Variants in IPO8 observed in about 807,000 individuals in gnomAD.
IPO8 encodes importin-8.
A neutral mutation model predicts 141.2 loss-of-function variants in IPO8; 65 were observed. The ratio of observed to expected loss-of-function variants is 0.46; its 90% CI spans 0.38 to 0.57. The LOEUF is 0.57. Among genes scored for constraint, IPO8 ranks in the 20% least tolerant of loss-of-function variants. The pLI, the probability that IPO8 is intolerant of heterozygous loss-of-function variation, is 0.00. For synonymous variants in IPO8, 411 were observed against 420.3 expected, an observed-to-expected ratio of 0.98 and a Z score of 0.27; for missense variants, 980 against 1,246.8, an observed-to-expected ratio of 0.79 and a Z score of 3.22.
At chr12:30,636,830 A>T in intron 22 of IPO8, 152 bp downstream of exon 22, 1 of 657,366 alleles carries the variant, frequency 1.5e-6, no homozygotes, top group Non-Finnish European at 2.6e-6. Flanking sequence ...TACAATTAAT[A>T]GCAAGTCAAC....
chr12:30,695,692 C>G lies in IPO8; in HGVS notation c.-45G>C. 1 of 1,560,826 alleles carries G rather than the reference C, an allele frequency of 6.4e-7. No homozygotes were observed. The highest frequency in any genetic ancestry group is 8.8e-7 in the Non-Finnish European group (1 of 1,135,062). On this transcript the variant is annotated 5_prime_UTR_variant, in exon 1 of 25. Transcript: ENST00000256079. This position sits in a 1 kb window ranked among gnomAD's most constrained non-coding sequence, Gnocchi z 4.2. ...GCGGCCCCCGGAACAGTAGGCCGGA[C>G]TGCAGCTTTAGTTTTCTTTTGACCC... is the stretch of plus-strand genomic sequence containing the variant.
chr12:30,669,766 C>CAAA (rs11405735), intron 9 of IPO8, among the ~76,000 whole-genome samples: 120 of 147,402 alleles, frequency 8.1e-4, no homozygotes, highest in Middle Eastern at 6.9e-3. Flanking sequence ...ACTCCAGCTC[C>CAAA]AAAAAAAAAA....
At chr12:30,693,278 T>G (rs752077401) in intron 1 of IPO8, among the ~76,000 whole-genome samples, 59 of 152,140 alleles carry the variant, frequency 3.9e-4, no homozygotes, top group Non-Finnish European at 7.9e-4. Context: ...TATCCTGAGA[T>G]AAAACTACAA....
At chr12:30,634,761 A>G (rs2052478367) in intron 22 of IPO8, among the ~76,000 whole-genome samples, 1 of 152,058 alleles carries the variant, frequency 6.6e-6, no homozygotes, top group East Asian at 1.9e-4. Context: ...GAAATGCCCA[A>G]ATGAGATCAT....
intron 20 of IPO8, 85 bp from the exon 21 acceptor site, chr12:30,639,820 T>A (rs1300177863): frequency 1.1e-6 from 1 of 895,456 alleles, no homozygotes; most frequent in Non-Finnish European, 1.8e-6. Flanking sequence ...GCATTCTCAA[T>A]AAATAAGACA....
intron 15 of IPO8, among the ~76,000 whole-genome samples, 189 bp downstream of exon 15, chr12:30,662,138 A>G (rs1284991993): frequency 1.3e-5 from 2 of 152,218 alleles, no homozygotes; most frequent in African/African-American, 2.4e-5. Flanking sequence ...ATCTAAACAT[A>G]CAAAAGGTAC....
At chr12:30,643,557 G>C (rs1047407150) in intron 20 of IPO8, among the ~76,000 whole-genome samples, 2 of 152,188 alleles carry the variant, frequency 1.3e-5, no homozygotes. Context: ...GGGCCTAGTG[G>C]GAAGTGTTTG....
chr12:30,690,207 G>A (rs546520449), intron 2 of IPO8, among the ~76,000 whole-genome samples: 1 of 152,256 alleles, frequency 6.6e-6, no homozygotes, highest in East Asian at 1.9e-4. Flanking sequence ...AAACGTTAGA[G>A]AGATCAGCTA....
intron 16 of IPO8, among the ~76,000 whole-genome samples, chr12:30,658,412 T>C (rs1486415165): frequency 3.9e-5 from 6 of 152,380 alleles, no homozygotes; most frequent in Middle Eastern, 3.4e-3. Context: ...TAAAGCCATT[T>C]AGCTGAAGGC....
chr12:30,668,530 A>G (rs1428098900), intron 10 of IPO8, among the ~76,000 whole-genome samples: 2 of 152,242 alleles, frequency 1.3e-5, no homozygotes, highest in African/African-American at 4.8e-5. Flanking sequence ...TAAGCAAATA[A>G]GGTAAAATTC....
chr12:30,652,229 G>T lies in IPO8; in HGVS notation c.2135C>A (p.Ala712Glu). 6.2e-7 allele frequency: 1 copy of T among 1,600,460 alleles called. No homozygotes were observed. The highest frequency in any genetic ancestry group is 8.6e-7 in the Non-Finnish European group (1 of 1,168,900). ...TGTAAAAAGAATTTCTAAATGTTTT[G>T]CATTTGATAGTAAGGTATCTGTATC... The part of the protein sequence containing the change: ...TIDTDTLLSN[A>E]KHLEILFTMC... Residue 712 changes from alanine (A) to glutamate (E), a missense_variant, in exon 19 of 25, where the codon GCA (alanine) becomes GAA (glutamate). This residue lies in a region of IPO8 where 924 missense variants were observed against 1,153.9 expected (regional missense o/e 0.80). Transcript: ENST00000256079.
intron 9 of IPO8, 23 bp from the exon 10 acceptor site, chr12:30,669,305 AC>A (rs376756669): frequency 0.052 from 50,428 of 977,786 alleles, 347 homozygotes; most frequent in African/African-American, 0.14. Flanking sequence ...AAAAAAAAAA[AC>A]GTAACAAATG....
In IPO8 at chr12:30,641,260, T is replaced by C. The variant is rs1591823242; in HGVS notation, c.2269-1525A>G. Among the ~76,000 whole-genome samples the C allele has an allele frequency of 2.6e-5, 4 of 152,196 alleles. No homozygotes were observed. The South Asian group carries it at 8.3e-4, about 31-fold the overall frequency. On this transcript the variant is annotated intron_variant, in intron 20 of 24. Coordinates refer to ENST00000256079, the MANE Select transcript of IPO8 (RefSeq NM_006390.4). ...AGCGTAGAAGGCAACAGAGAAAATG[T>C]ATAGTATGCTACCGTTTACCTAAGA...
At chr12:30,674,783 T>C in intron 6 of IPO8, 30 bp from the exon 7 acceptor site, 1 of 1,368,260 alleles carries the variant, frequency 7.3e-7, no homozygotes, top group East Asian at 2.3e-5. Flanking sequence ...CAGATTAAAG[T>C]TCTGCATAAT....
At position 30,665,843 on chromosome 12, in the gene IPO8, C is replaced by T; in HGVS notation, c.1224G>A (p.Val408=). The T allele has an allele frequency of 4.4e-6, 7 of 1,599,448 alleles. No homozygotes were observed. The highest frequency in any genetic ancestry group is 1.1e-5 in the South Asian group (1 of 90,654). The change falls in exon 12 of 25, where the codon GTG becomes GTA. Residue 408 remains valine, a splice_region_variant and synonymous_variant. Coordinates refer to ENST00000256079, the MANE Select transcript of IPO8 (RefSeq NM_006390.4). ...AACAGAATGCCATCATTTTTGGCAACACCTAAAGAAACAGAAGAATCCATT... is the reference window on the plus strand; with the variant it reads ...AACAGAATGCCATCATTTTTGGCAATACCTAAAGAAACAGAAGAATCCATT... ...LYTAAKKRKE[V]LPKMMAFCYQ...
At chr12:30,657,887 G>A (rs2052823397) in intron 16 of IPO8, among the ~76,000 whole-genome samples, 1 of 151,868 alleles carries the variant, frequency 6.6e-6, no homozygotes, top group South Asian at 2.1e-4. Context: ...TCTCTAGAAG[G>A]ACCCGAAAAC....
Position 30,695,781 on chromosome 12 carries a change from C to T in IPO8, c.-134G>A. 2 of 733,642 alleles carry T rather than the reference C, an allele frequency of 2.7e-6. No individual in the cohort carries two copies. 45.4% of individuals were successfully genotyped at this position (733,642 alleles called of 1,614,324 possible). A position where few individuals can be genotyped will look rare whatever the true frequency, so the allele number is the denominator to read the frequency against. ...ACCCCACCCCCCGCCACCGTCGCCACCTGCGGCCACTTGCTGCGCCACTCT... is the reference window on the plus strand; with the variant it reads ...ACCCCACCCCCCGCCACCGTCGCCATCTGCGGCCACTTGCTGCGCCACTCT... On this transcript the variant is annotated 5_prime_UTR_variant, in exon 1 of 25. In the 5' UTR this introduces an upstream ATG that the reference lacks. Coordinates refer to ENST00000256079, the MANE Select transcript of IPO8 (RefSeq NM_006390.4). This position sits in a 1 kb window ranked among gnomAD's most constrained non-coding sequence, Gnocchi z 4.2.
intron 9 of IPO8, among the ~76,000 whole-genome samples, chr12:30,670,030 G>C (rs1232143160): frequency 6.6e-6 from 1 of 152,110 alleles, no homozygotes; most frequent in African/African-American, 2.4e-5. Context: ...TTACAGCTAT[G>C]TAAAAATAAA....
chr12:30,672,341 C>T (rs2053063337), intron 8 of IPO8, among the ~76,000 whole-genome samples: 1 of 152,172 alleles, frequency 6.6e-6, no homozygotes, highest in African/African-American at 2.4e-5. Context: ...GTAGAAACCC[C>T]TTCTGTGATG....
Sources: gnomAD v4.1 joint callset for allele counts (sites outside exome capture counted in the v4.1 genomes callset) on GRCh38, gnomAD v4.1.1 for gene constraint, gnomAD v4.1.1 regional missense constraint, Gnocchi (gnomAD v3.1) non-coding constraint, MANE v1.5 for transcripts, NCBI Gene and HGNC (gene_info 2026-07-23, HGNC 2026-07-21) for gene names.